Variants in ADAMTS17 observed in about 807,000 individuals in gnomAD.
ADAMTS17 encodes ADAM metallopeptidase with thrombospondin type 1 motif 17.
ADAMTS17 carries 113 observed loss-of-function variants against 141.5 expected under a neutral mutation model. The ratio of observed to expected loss-of-function variants is 0.80; its 90% confidence interval spans 0.69 to 0.93. The LOEUF is 0.93. ADAMTS17 is among the 40% of genes least tolerant of loss of function. The pLI, the probability that ADAMTS17 is intolerant of heterozygous loss-of-function variation, is 0.00. For missense variants in ADAMTS17, 1,659 were observed against 1,517.9 expected (o/e 1.09, Z -1.54); for synonymous variants, 768 against 630.6 (o/e 1.22, Z -3.27).
intron 3 of ADAMTS17, among the ~76,000 whole-genome samples, chr15:100,304,746 C>A (rs1463821585): frequency 1.3e-5 from 2 of 152,194 alleles, no homozygotes; most frequent in African/African-American, 4.8e-5. Flanking sequence ...CTGTAGCAGA[C>A]TGTAGTACAG....
intron 3 of ADAMTS17, among the ~76,000 whole-genome samples, chr15:100,318,012 T>C (rs1212778542): frequency 6.6e-6 from 1 of 152,138 alleles, no homozygotes; most frequent in Non-Finnish European, 1.5e-5. Flanking sequence ...ACTGAGGGCC[T>C]GTCTTGAAAG....
intron 8 of ADAMTS17, among the ~76,000 whole-genome samples, chr15:100,161,305 G>C (rs1024196971): frequency 1.3e-5 from 2 of 152,206 alleles, no homozygotes; most frequent in Non-Finnish European, 2.9e-5. Context: ...GGAAGCTTCA[G>C]CTTTACCTGG....
intron 2 of ADAMTS17, among the ~76,000 whole-genome samples, chr15:100,334,589 G>A (rs191214723): frequency 7.3e-4 from 111 of 152,124 alleles, no homozygotes; most frequent in African/African-American, 2.5e-3. Context: ...CTCCCGTCCT[G>A]CCCCCCGACT....
At chr15:100,320,156 T>C (rs2045688347) in intron 3 of ADAMTS17, among the ~76,000 whole-genome samples, 1 of 152,120 alleles carries the variant, frequency 6.6e-6, no homozygotes, top group Admixed American at 6.5e-5. Context: ...GGAAATTCTC[T>C]AGAACAGAGA....
intron 7 of ADAMTS17, among the ~76,000 whole-genome samples, chr15:100,209,602 T>TAA (rs11316509): frequency 6.2e-5 from 9 of 144,370 alleles, no homozygotes; most frequent in Admixed American, 2.1e-4. Flanking sequence ...TACATTTTAT[T>TAA]AAAAAAAAAA....
At chr15:100,022,778 T>G (rs1034942621) in intron 18 of ADAMTS17, among the ~76,000 whole-genome samples, 1 of 152,164 alleles carries the variant, frequency 6.6e-6, no homozygotes, top group African/African-American at 2.4e-5. Context: ...CACTTTCAAC[T>G]GAAAATAATA....
intron 12 of ADAMTS17, among the ~76,000 whole-genome samples, chr15:100,123,351 G>C (rs2037549157): frequency 6.6e-6 from 1 of 152,152 alleles, no homozygotes; most frequent in Non-Finnish European, 1.5e-5. Context: ...CTAAAATAAA[G>C]AACAGTTAAT....
chr15:100,227,305 C>G (rs2042340251), intron 7 of ADAMTS17, among the ~76,000 whole-genome samples: 1 of 152,156 alleles, frequency 6.6e-6, no homozygotes, highest in African/African-American at 2.4e-5. Flanking sequence ...CTGCTGGGAG[C>G]AAAACTGAGA....
chr15:100,173,526 A>T (rs1217129704), intron 8 of ADAMTS17, among the ~76,000 whole-genome samples: 1 of 152,202 alleles, frequency 6.6e-6, no homozygotes, highest in Non-Finnish European at 1.5e-5. Context: ...GCCTTTTAAA[A>T]GTGCTCACTT....
intron 3 of ADAMTS17, among the ~76,000 whole-genome samples, chr15:100,313,543 A>G (rs2045468621): frequency 6.6e-6 from 1 of 152,246 alleles, no homozygotes; most frequent in African/African-American, 2.4e-5. Flanking sequence ...AAATAAATGT[A>G]GAATGAATAT....
intron 14 of ADAMTS17, among the ~76,000 whole-genome samples, chr15:100,101,335 G>A (rs925032229): frequency 2.4e-4 from 37 of 152,328 alleles, no homozygotes; most frequent in African/African-American, 8.7e-4. Flanking sequence ...TGGCCTGTCT[G>A]TATGTTGGAC....
chr15:100,193,007 C>A (rs1020349750), intron 8 of ADAMTS17, among the ~76,000 whole-genome samples: 2 of 152,238 alleles, frequency 1.3e-5, no homozygotes, highest in African/African-American at 4.8e-5. Context: ...TTCCCGACGT[C>A]CACTGTCCCA....
At position 99,993,015 on chromosome 15, in the gene ADAMTS17, G is replaced by T; in HGVS notation, c.2949+33C>A. 5.0e-6 allele frequency: 8 copies of T among 1,613,650 alleles called. No individual in the cohort carries two copies. The highest frequency in any genetic ancestry group is 6.8e-6 in the Non-Finnish European group (8 of 1,179,986). ...CGACCCTCGAGCCCCCTGCACTGCG[G>T]CACGGAGAGAAATGCCAGCAGGCTG... On this transcript the variant is annotated intron_variant, in intron 20 of 21. Transcript: ENST00000268070. The surrounding 1 kb of genome is among the most constrained non-coding windows in gnomAD (Gnocchi z 4.3).
Position 100,051,594 on chromosome 15 carries a change from C to T in ADAMTS17, c.2433G>A (p.Gly811=). 2.5e-6 allele frequency: 4 copies of T among 1,613,990 alleles called. No individual in the cohort carries two copies. The highest frequency in any genetic ancestry group is 1.7e-4 in the Middle Eastern group (1 of 5,952). The change falls in exon 17 of 22, where the codon GGG becomes GGA. Residue 811 remains glycine, a synonymous_variant. Coordinates refer to ENST00000268070, the MANE Select transcript of ADAMTS17 (RefSeq NM_139057.4). ...LFIWTHSGWE[G]CSVQCGGGER... ...CACCTCCGCCGCACTGCACACTGCACCCTTCCCAGCCGCTGTGGGTCCAGA... is the reference window on the plus strand; with the variant it reads ...CACCTCCGCCGCACTGCACACTGCATCCTTCCCAGCCGCTGTGGGTCCAGA...
At chr15:100,308,577 A>G (rs959903884) in intron 3 of ADAMTS17, among the ~76,000 whole-genome samples, 1 of 152,196 alleles carries the variant, frequency 6.6e-6, no homozygotes, top group Non-Finnish European at 1.5e-5. Context: ...AACTCCAAGT[A>G]ACTACTCTTT....
intron 3 of ADAMTS17, among the ~76,000 whole-genome samples, chr15:100,310,526 C>T (rs1255237878): frequency 1.3e-5 from 2 of 152,206 alleles, no homozygotes; most frequent in Admixed American, 6.5e-5. Context: ...GAAGAAAGGT[C>T]CCTTTCTGCT....
At chr15:99,999,852 T>C (rs559461486) in intron 18 of ADAMTS17, among the ~76,000 whole-genome samples, 1 of 152,156 alleles carries the variant, frequency 6.6e-6, no homozygotes, top group African/African-American at 2.4e-5. Context: ...CCACCTGGGC[T>C]CCTCCCTCCA....
intron 7 of ADAMTS17, among the ~76,000 whole-genome samples, chr15:100,241,461 G>A (rs901121088): frequency 2.6e-5 from 4 of 152,180 alleles, no homozygotes; most frequent in African/African-American, 9.6e-5. Context: ...TGATTGTTGC[G>A]GTAATTTCTT....
intron 7 of ADAMTS17, among the ~76,000 whole-genome samples, chr15:100,222,332 ACCAGATGCTCCTG>A (rs1309364181): frequency 1.3e-5 from 2 of 152,182 alleles, no homozygotes; most frequent in Non-Finnish European, 2.9e-5. Flanking sequence ...TGGCGGGCAG[ACCAGATGCTCCTG>A]CCAGCCCACG....
Sources: gnomAD v4.1 joint callset for allele counts (sites outside exome capture counted in the v4.1 genomes callset) on GRCh38, gnomAD v4.1.1 for gene constraint, Gnocchi (gnomAD v3.1) non-coding constraint, MANE v1.5 for transcripts, NCBI Gene and HGNC (gene_info 2026-07-23, HGNC 2026-07-21) for gene names.